Variants in SMKR1 observed in about 807,000 individuals in gnomAD.
SMKR1 encodes small lysine-rich protein 1.
SMKR1 carries 4 observed loss-of-function variants against 4.0 expected under a neutral mutation model. The observed-to-expected ratio is 1.00, with a 90% confidence interval of 0.49 to 2.30. The LOEUF (loss-of-function observed/expected upper bound fraction) is 2.30, where lower values mean the gene tolerates loss of function less well. SMKR1 is among the 30% of genes most tolerant of loss of function. The pLI is 0.02. For synonymous variants in SMKR1, 38 were observed against 32.5 expected, an observed-to-expected ratio of 1.17 and a Z score of -0.58; for missense variants, 56 against 81.8, an observed-to-expected ratio of 0.68 and a Z score of 1.22.
Position 129,512,440 on chromosome 7 carries a change from GA to G in SMKR1, c.198del (p.Ter66CysfsTer29). 2 of 1,533,694 alleles carry G rather than the reference GA, an allele frequency of 1.3e-6. No individual in the cohort carries two copies. The highest frequency in any genetic ancestry group is 1.7e-6 in the Non-Finnish European group (2 of 1,146,156). ...AAAGGAAAGAAAGGGAGAAGCAAGT[GA>G]CAGCATTTCACAACACATCTCTGTT... ...APKGKKGRSK[*>X] On this transcript the variant is annotated frameshift_variant and stop_lost, in exon 2 of 2. Transcript: ENST00000462322. LOFTEE classifies it high-confidence loss of function.
chr7:129,505,195 CAG>C (rs1281057565), intron 1 of SMKR1, among the ~76,000 whole-genome samples: 1 of 152,128 alleles, frequency 6.6e-6, no homozygotes, highest in Non-Finnish European at 1.5e-5. Context: ...AATTTATAGA[CAG>C]AATCTCTGGT....
At chr7:129,506,357 G>A (rs943963892) in intron 1 of SMKR1, among the ~76,000 whole-genome samples, 12 of 152,102 alleles carry the variant, frequency 7.9e-5, no homozygotes, top group Non-Finnish European at 1.5e-4. Context: ...TGGGAGGATC[G>A]CTTGAGTCTG....
chr7:129,509,491 C>G (rs545140274), intron 1 of SMKR1, among the ~76,000 whole-genome samples: 1 of 152,216 alleles, frequency 6.6e-6, no homozygotes, highest in South Asian at 2.1e-4. Context: ...ATCTTCATTC[C>G]CGGGTTTTGT....
At chr7:129,504,528 GTCTT>G (rs1035481104) in intron 1 of SMKR1, among the ~76,000 whole-genome samples, 16 of 147,220 alleles carry the variant, frequency 1.1e-4, no homozygotes, top group African/African-American at 1.5e-4. Flanking sequence ...GCATTATAGG[GTCTT>G]TCTTTATTAA....
chr7:129,512,770 T>G lies in SMKR1; in HGVS notation c.*329T>G, dbSNP rs1799540427. ...TTTGCTCTCAGAAGGCAGTTCTAGT[T>G]GCATTAATTGTTTTCTTTTGCCAAA... On this transcript the variant is annotated 3_prime_UTR_variant, in exon 2 of 2. Transcript: ENST00000462322. The G allele has an allele frequency of 4.9e-6, 1 of 204,792 alleles. No individual in the cohort carries two copies. The highest frequency in any genetic ancestry group is 1.8e-4 in the South Asian group (1 of 5,514). 12.7% of individuals were successfully genotyped at this position (204,792 alleles called of 1,614,324 possible).
At chr7:129,504,930 C>T (rs1799449820) in intron 1 of SMKR1, among the ~76,000 whole-genome samples, 1 of 152,240 alleles carries the variant, frequency 6.6e-6, no homozygotes, top group Non-Finnish European at 1.5e-5. Flanking sequence ...TCAGACCTCA[C>T]TGGACTGTAA....
intron 1 of SMKR1, among the ~76,000 whole-genome samples, chr7:129,511,611 G>T (rs545598923): frequency 6.6e-6 from 1 of 152,194 alleles, no homozygotes; most frequent in Non-Finnish European, 1.5e-5. Context: ...CTTGCATTAC[G>T]TTGGGTCTCT....
In SMKR1 at chr7:129,512,280, A is replaced by G. The variant is rs1177667434; in HGVS notation, c.37A>G (p.Lys13Glu). Reference sequence around the variant, plus strand: ...AGGGAAAAAAGGAAAAGGCCAGGGCAAGTCTCATGGGAAGAAACAGAAGAA... The same window carrying G: ...AGGGAAAAAAGGAAAAGGCCAGGGCGAGTCTCATGGGAAGAAACAGAAGAA... ...AKGKKGKGQG[K>E]SHGKKQKKPE... Residue 13 changes from lysine (K) to glutamate (E), a missense_variant, in exon 2 of 2, where the codon AAG becomes GAG. Physicochemically the swap from Lys to Glu is moderately conservative, Grantham distance 56 (BLOSUM62 1). Transcript: ENST00000462322. The G allele has an allele frequency of 1.3e-6, 2 of 1,534,416 alleles. No individual in the cohort carries two copies. Among genetic ancestry groups the G allele is most frequent in the Non-Finnish European group, 1.7e-6 (2 of 1,146,406 alleles).
intron 1 of SMKR1, among the ~76,000 whole-genome samples, chr7:129,509,456 G>T (rs569579993): frequency 6.6e-6 from 1 of 152,276 alleles, no homozygotes; most frequent in African/African-American, 2.4e-5. Flanking sequence ...GAGAAGCCAG[G>T]CCACTGCATT....
rs937260928 is a variant in SMKR1, at chr7:129,512,177, C to T, written c.4-70C>T. ...CCAGCCTGGGTGTTGGGAGTGAAAC[C>T]CTGTCTCAAAAAAAACAAAAACCAA... On this transcript the variant is annotated intron_variant, in intron 1 of 1. Coordinates refer to ENST00000462322, the MANE Select transcript of SMKR1 (RefSeq NM_001195243.2). The T allele has an allele frequency of 6.4e-6, 9 of 1,404,530 alleles. No homozygotes were observed. The African/African-American group carries it at 7.3e-5, about 11-fold the overall frequency. The allele number at this position is 1,404,530 out of a possible 1,614,324, so 87.0% of individuals were successfully genotyped here.
chr7:129,508,544 C>T (rs1345497715), intron 1 of SMKR1, among the ~76,000 whole-genome samples: 16 of 152,092 alleles, frequency 1.1e-4, no homozygotes, highest in Admixed American at 2.0e-4. Flanking sequence ...CGGGTTCAAG[C>T]GATTCTCCTG....
chr7:129,505,788 G>T (rs568365076), intron 1 of SMKR1, among the ~76,000 whole-genome samples: 47 of 152,264 alleles, frequency 3.1e-4, no homozygotes, highest in Non-Finnish European at 6.6e-4. Flanking sequence ...TGTCAAGGAG[G>T]TTTTTCTAAA....
chr7:129,509,859 A>G (rs1420090758), intron 1 of SMKR1, among the ~76,000 whole-genome samples: 12 of 152,194 alleles, frequency 7.9e-5, no homozygotes, highest in Admixed American at 7.9e-4. Flanking sequence ...GTTGTAACAC[A>G]TGAACTATGT....
chr7:129,507,163 C>G (rs937593140), intron 1 of SMKR1, among the ~76,000 whole-genome samples: 1 of 151,996 alleles, frequency 6.6e-6, no homozygotes, highest in Non-Finnish European at 1.5e-5. Flanking sequence ...CTACAGGCGC[C>G]CACCACCATG....
chr7:129,507,485 T>C (rs901561300), intron 1 of SMKR1, among the ~76,000 whole-genome samples: 2 of 152,240 alleles, frequency 1.3e-5, no homozygotes, highest in Non-Finnish European at 2.9e-5. Flanking sequence ...ATAAAGCTAC[T>C]ATGAACATTC....
At chr7:129,505,085 T>C (rs747189549) in intron 1 of SMKR1, among the ~76,000 whole-genome samples, 2 of 152,270 alleles carry the variant, frequency 1.3e-5, no homozygotes, top group African/African-American at 4.8e-5. Flanking sequence ...ATCCTGTTAT[T>C]GCATTGCATC....
At chr7:129,503,784 G>A (rs1799436651) in intron 1 of SMKR1, among the ~76,000 whole-genome samples, 1 of 149,452 alleles carries the variant, frequency 6.7e-6, no homozygotes, top group African/African-American at 2.5e-5. Flanking sequence ...AAATTTCTTG[G>A]TTTGAGAGTC....
intron 1 of SMKR1, among the ~76,000 whole-genome samples, chr7:129,509,863 A>C (rs1306400487): frequency 1.3e-5 from 2 of 152,130 alleles, no homozygotes; most frequent in African/African-American, 4.8e-5. Context: ...TAACACATGA[A>C]CTATGTTCCT....
At chr7:129,505,799 G>A (rs766213797) in intron 1 of SMKR1, among the ~76,000 whole-genome samples, 9 of 152,156 alleles carry the variant, frequency 5.9e-5, no homozygotes, top group Non-Finnish European at 8.8e-5. Context: ...TTTTTCTAAA[G>A]AGGTGATATT....
Sources: allele counts gnomAD v4.1 joint callset (sites outside exome capture counted in the v4.1 genomes callset), GRCh38; gene constraint gnomAD v4.1.1; transcripts MANE v1.5; gene names NCBI Gene and HGNC (gene_info 2026-07-23, HGNC 2026-07-21).